The following HLA-DQB2 variants were observed in gnomAD, a reference collection of about 807,000 sequenced individuals.
HLA-DQB2 encodes major histocompatibility complex, class II, DQ beta 2, also known as HLA class II histocompatibility antigen, DQ beta 2 chain.
In HLA-DQB2, 24 loss-of-function variants were observed where a neutral mutation model predicts 29.2. The ratio of observed to expected loss-of-function variants is 0.82; its 90% CI spans 0.60 to 1.16. The LOEUF is 1.16. Ranked by LOEUF, HLA-DQB2 falls within the 50% of genes most tolerant of loss-of-function variation. The probability of loss-of-function intolerance (pLI) is 0.00; values close to 1 mark genes in which losing one functional copy is unlikely to be tolerated. For synonymous variants in HLA-DQB2, 104 were observed against 133.1 expected (o/e 0.78, Z 1.51); for missense variants, 273 against 343.6 (o/e 0.79, Z 1.62).
At chr6:32,761,639 C>T (rs1238022134) in intron 2 of HLA-DQB2, 21 bp downstream of exon 2, 1 of 1,537,028 alleles carries the variant, frequency 6.5e-7, no homozygotes. Flanking sequence ...GTGAGCCCCG[C>T]GGAAGGACGA....
intron 2 of HLA-DQB2, among the ~76,000 whole-genome samples, chr6:32,759,717 C>T (rs558961165): frequency 1.2e-4 from 18 of 152,212 alleles, no homozygotes; most frequent in Non-Finnish European, 2.4e-4. Context: ...TACCCTACTC[C>T]ATCCCCTTGC....
rs1397264540 is a variant in HLA-DQB2, at chr6:32,763,401, G to GGGTGCTCAGCATCACCAGCATCAC, written c.46_69dup (p.Val16_Thr23dup). The GGGTGCTCAGCATCACCAGCATCAC allele has an allele frequency of 3.8e-6, 6 of 1,564,092 alleles. No homozygotes were observed. In the South Asian group the frequency reaches 7.1e-5, roughly 18 times the overall value. On this transcript the variant is annotated inframe_insertion, in exon 1 of 6. Transcript: ENST00000437316. ...GGAAAGTCTCTGGCCTCAGCCACTG[G>GGGTGCTCAGCATCACCAGCATCAC]GGTGCTCAGCATCACCAGCATCACG...
In HLA-DQB2 at chr6:32,763,379, A is replaced by C. The variant is rs1443718230; in HGVS notation, c.92T>G (p.Phe31Cys). Reference sequence around the variant, plus strand: ...AGCAGCTGCCCTGCACTTACTGGGAAAGTCTCTGGCCTCAGCCACTGGGGT... The same window carrying C: ...AGCAGCTGCCCTGCACTTACTGGGACAGTCTCTGGCCTCAGCCACTGGGGT... ...LSTPVAEARD[F>C]PKDFLVQFKG... Residue 31 changes from phenylalanine to cysteine, a missense_variant, in exon 1 of 6, where the codon TTT becomes TGT. Transcript: ENST00000437316. 3 of 1,552,358 alleles carry C rather than the reference A, an allele frequency of 1.9e-6. No individual in the cohort carries two copies. Among genetic ancestry groups the C allele is most frequent in the South Asian group, 1.2e-5 (1 of 84,242 alleles).
chr6:32,761,588 C>T, intron 2 of HLA-DQB2, 72 bp downstream of exon 2: 2 of 1,436,052 alleles, frequency 1.4e-6, no homozygotes, highest in Non-Finnish European at 1.8e-6. Context: ...CCGCGCCGTC[C>T]TCGCCCCTCT....
At chr6:32,756,592 C>A in intron 5 of HLA-DQB2, 126 bp from the exon 6 acceptor site, 3 of 1,477,860 alleles carry the variant, frequency 2.0e-6, no homozygotes, top group South Asian at 1.4e-5. Flanking sequence ...ATCATCATCA[C>A]GTTCCCCAAT....
chr6:32,757,063 A>C, intron 5 of HLA-DQB2: 2 of 1,397,166 alleles, frequency 1.4e-6, no homozygotes, highest in Non-Finnish European at 1.9e-6. Context: ...TCTATCGCCC[A>C]GACTGGAGTG....
chr6:32,759,177 G>C (rs772405255), intron 2 of HLA-DQB2, 46 bp from the exon 3 acceptor site: 76 of 1,592,890 alleles, frequency 4.8e-5, no homozygotes, highest in Non-Finnish European at 6.0e-5. Context: ...TGAGATGTGA[G>C]ACCACACAGC....
At chr6:32,758,637 C>A (rs563717433) in intron 3 of HLA-DQB2, among the ~76,000 whole-genome samples, 4 of 152,172 alleles carry the variant, frequency 2.6e-5, no homozygotes, top group Non-Finnish European at 5.9e-5. Context: ...TGGACTAACA[C>A]AAATGTGGAA....
In HLA-DQB2 at chr6:32,757,273, A is replaced by G. The variant is rs898547471; in HGVS notation, c.781+8T>C. ...TCTCCCCTGACTGGATCATGGCTGA[A>G]ATATTACCTGCTGGTGGAGGCCCTC... is the stretch of plus-strand genomic sequence containing the variant. On this transcript the variant is annotated splice_region_variant and intron_variant, in intron 5 of 5. Coordinates refer to ENST00000437316, the MANE Select transcript of HLA-DQB2 (RefSeq NM_001300790.2). 5 of 1,550,340 alleles carry G rather than the reference A, an allele frequency of 3.2e-6. No individual in the cohort carries two copies. Among genetic ancestry groups the G allele is most frequent in the Non-Finnish European group, 4.4e-6 (5 of 1,146,908 alleles).
rs9276580 is a variant in HLA-DQB2, at chr6:32,759,432, T to G, written c.365-301A>C. ...AAAGTAGGCAGGCCTTGAAAAAAAC[T>G]AACACTGATCAAACATCATGTTTGC... is the stretch of plus-strand genomic sequence containing the variant. On this transcript the variant is annotated intron_variant, in intron 2 of 5. Transcript: ENST00000437316. 0.61 allele frequency among the ~76,000 whole-genome samples: 91,799 copies of G among 150,568 alleles called. 28,048 individuals carry two copies. The highest frequency in any genetic ancestry group is 0.8 in the East Asian group (4,030 of 5,064).
chr6:32,756,238 A>G lies in HLA-DQB2; in HGVS notation c.*215T>C. The G allele has an allele frequency of 3.5e-6, 2 of 566,644 alleles. No homozygotes were observed. 35.1% of individuals were successfully genotyped at this position (566,644 alleles called of 1,614,324 possible). On this transcript the variant is annotated 3_prime_UTR_variant, in exon 6 of 6. Coordinates refer to ENST00000437316, the MANE Select transcript of HLA-DQB2 (RefSeq NM_001300790.2). ...TGGGGCCTGAGTAGACACAGCTTGC[A>G]GTGCACAGGCAGAGGCTCTGGGTCA... is the stretch of plus-strand genomic sequence containing the variant.
intron 2 of HLA-DQB2, 47 bp downstream of exon 2, chr6:32,761,613 C>A: frequency 6.6e-7 from 1 of 1,509,556 alleles, no homozygotes. Context: ...GCAAGAGACT[C>A]GGGCCCCGGC....
At chr6:32,763,345 G>GCT in intron 1 of HLA-DQB2, 29 bp downstream of exon 1, 8 of 1,353,186 alleles carry the variant, frequency 5.9e-6, no homozygotes, top group Non-Finnish European at 8.3e-6. Context: ...CACAGTGGTG[G>GCT]CTCTCGAGAG....
chr6:32,758,329 G>C (rs923949874), intron 3 of HLA-DQB2, among the ~76,000 whole-genome samples: 3 of 152,084 alleles, frequency 2.0e-5, no homozygotes, highest in Non-Finnish European at 4.4e-5. Context: ...CATGAGATCT[G>C]GTTATGTAAA....
chr6:32,757,017 A>G, intron 5 of HLA-DQB2: 5 of 1,316,144 alleles, frequency 3.8e-6, no homozygotes, highest in Non-Finnish European at 1.9e-6. Context: ...CACTCCGCTC[A>G]TGCTCTTCTT....
At chr6:32,759,575 C>T (rs956816265) in intron 2 of HLA-DQB2, among the ~76,000 whole-genome samples, 1 of 151,702 alleles carries the variant, frequency 6.6e-6, no homozygotes, top group African/African-American at 2.4e-5. Flanking sequence ...ACTGCATTTC[C>T]TTTATTTCTT....
At position 32,761,795 on chromosome 6, in the gene HLA-DQB2, C is replaced by A; in HGVS notation, c.229G>T (p.Ala77Ser). Residue 77 changes from alanine (A) to serine (S), a missense_variant, in exon 2 of 6, where the codon GCG becomes TCG. Transcript: ENST00000437316. ...RFDSDVGEFQ[A>S]VTELGRSIED... ...ATGCTCCGCCCCAGCTCGGTCACCG[C>A]CTGGAACTCCCCAACGTCGCTGTCG... 2.2e-5 allele frequency: 35 copies of A among 1,594,726 alleles called. No individual in the cohort carries two copies. Among genetic ancestry groups the A allele is most frequent in the Non-Finnish European group, 3.0e-5 (35 of 1,170,716 alleles).
chr6:32,757,290 G>A lies in HLA-DQB2; in HGVS notation c.772C>T (p.Pro258Ser), dbSNP rs1283046748. Reference protein sequence around the residue: ...HRGQKGPRGPPPAGLLH With the variant: ...HRGQKGPRGPSPAGLLH ...ATGGCTGAAATATTACCTGCTGGTG[G>A]AGGCCCTCGAGGTCCTACAAAAGGA... The change falls in exon 5 of 6, where the codon CCA (proline) becomes TCA (serine). Residue 258 changes from proline to serine, a missense_variant. Physicochemically the swap from Pro to Ser is moderately conservative, Grantham distance 74. Coordinates refer to ENST00000437316, the MANE Select transcript of HLA-DQB2 (RefSeq NM_001300790.2). 1.3e-6 allele frequency: 2 copies of A among 1,549,878 alleles called. No individual in the cohort carries two copies. The highest frequency in any genetic ancestry group is 1.7e-6 in the Non-Finnish European group (2 of 1,146,498).
chr6:32,758,378 C>A (rs1223949753), intron 3 of HLA-DQB2, among the ~76,000 whole-genome samples: 1 of 152,100 alleles, frequency 6.6e-6, no homozygotes, highest in East Asian at 1.9e-4. Context: ...ATGCTCCTGC[C>A]CCTGCCCTGT....
Sources: allele counts gnomAD v4.1 joint callset (sites outside exome capture counted in the v4.1 genomes callset), GRCh38; gene constraint gnomAD v4.1.1; transcripts MANE v1.5; gene names NCBI Gene and HGNC (gene_info 2026-07-23, HGNC 2026-07-21).